AGPAT4: variants seen among roughly 807,000 people sequenced by gnomAD.
AGPAT4 encodes the protein 1-acyl-sn-glycerol-3-phosphate acyltransferase delta.
In AGPAT4, 15 loss-of-function variants were observed where a neutral mutation model predicts 48.0. The observed-to-expected ratio is 0.31, with a 90% CI of 0.21 to 0.48. The LOEUF is 0.48. Ranked by LOEUF, AGPAT4 falls within the 20% of genes least tolerant of loss-of-function variation. The probability of loss-of-function intolerance (pLI) is 0.99; values close to 1 mark genes in which losing one functional copy is unlikely to be tolerated. For missense variants in AGPAT4, 314 were observed against 482.5 expected (o/e 0.65, Z 3.27); for synonymous variants, 178 against 198.7 (o/e 0.90, Z 0.88).
chr6:161,230,201 A>T (rs1054256113), intron 2 of AGPAT4, among the ~76,000 whole-genome samples: 34 of 152,336 alleles, frequency 2.2e-4, no homozygotes, highest in South Asian at 8.3e-4. Flanking sequence ...ATCAAAAAAA[A>T]ATATAGTACT....
rs1464628784 is a variant in AGPAT4, at chr6:161,196,120, T to C, written c.179-29703A>G. On this transcript the variant is annotated intron_variant, in intron 2 of 8. Coordinates refer to ENST00000320285, the MANE Select transcript of AGPAT4 (RefSeq NM_020133.3). This position sits in a 1 kb window ranked among gnomAD's most constrained non-coding sequence, Gnocchi z 4.3. ...ATATAACCCTGACCTCTTTCTAGAA[T>C]GGTGTGGTTCGCCATCTTAAGAGCA... Among the ~76,000 whole-genome samples, 2 of 152,176 alleles carry C rather than the reference T, an allele frequency of 1.3e-5. No individual in the cohort carries two copies. The highest frequency in any genetic ancestry group is 2.9e-5 in the Non-Finnish European group (2 of 68,032).
At chr6:161,273,794 T>TGC (rs545028082) in intron 1 of AGPAT4, 144 bp downstream of exon 1, 1 of 72,274 alleles carries the variant, frequency 1.4e-5, no homozygotes, top group African/African-American at 4.8e-5. Context: ...CGCCTTGCAC[T>TGC]CCCCCCCCGC....
intron 1 of AGPAT4, among the ~76,000 whole-genome samples, chr6:161,263,661 A>C (rs960069838): frequency 6.6e-6 from 1 of 152,190 alleles, no homozygotes; most frequent in Non-Finnish European, 1.5e-5. Context: ...ACCTCCTCTC[A>C]AACTTTAACC....
chr6:161,171,829 G>C lies in AGPAT4; in HGVS notation c.179-5412C>G, dbSNP rs376707098. Among the ~76,000 whole-genome samples the C allele has an allele frequency of 3.3e-4, 50 of 152,208 alleles. No homozygotes were observed. In the South Asian group the frequency reaches 0.01, roughly 31 times the overall value. The stretch of plus-strand genomic sequence containing the variant: ...GCAGGAGAATGGCATGAACCCAGGA[G>C]GCTGCACTTGCAGTGAGCCAAGATC... On this transcript the variant is annotated intron_variant, in intron 2 of 8. Transcript: ENST00000320285. The surrounding 1 kb of genome is among the most constrained non-coding windows in gnomAD (Gnocchi z 4.4).
In AGPAT4 at chr6:161,246,670, C is replaced by A. The variant is rs1016923848; in HGVS notation, c.-89-14368G>T. ...GTGATCCACCGCACCCAGCCTAGCA[C>A]AGGGGATTCTTACAGAGCCCCTTGC... On this transcript the variant is annotated intron_variant, in intron 1 of 8. Transcript: ENST00000320285. The surrounding 1 kb of genome is among the most constrained non-coding windows in gnomAD (Gnocchi z 5.5). Among the ~76,000 whole-genome samples, 1 of 152,116 alleles carries A rather than the reference C, an allele frequency of 6.6e-6. No homozygotes were observed. The highest frequency in any genetic ancestry group is 1.9e-4 in the East Asian group (1 of 5,180).
At chr6:161,160,103 A>T (rs1472700871) in intron 3 of AGPAT4, 7 of 94,760 alleles carry the variant, frequency 7.4e-5, no homozygotes, top group African/African-American at 3.1e-4. Context: ...ACACCCAGCT[A>T]ATTTTTTTTT....
Position 161,154,164 on chromosome 6 carries a change from G to A in AGPAT4, c.495C>T (p.Tyr165=), listed in dbSNP as rs373347738. Residue 165 remains tyrosine (Y), a synonymous_variant, in exon 4 of 9, where the codon TAC becomes TAT. Coordinates refer to ENST00000320285, the MANE Select transcript of AGPAT4 (RefSeq NM_020133.3). This position sits in a 1 kb window ranked among gnomAD's most constrained non-coding sequence, Gnocchi z 7.8. ...GCCTACATACAAAATACTTCTCGGG[G>A]TAGTCCCGGAGGTGCTGCAAACTGG... ...VATSLQHLRD[Y]PEKYFFLIHC... is the part of the protein sequence containing the mutation. 9.3e-6 allele frequency: 15 copies of A among 1,614,052 alleles called. No individual in the cohort carries two copies. Among genetic ancestry groups the A allele is most frequent in the African/African-American group, 1.3e-5 (1 of 74,924 alleles).
rs563256009 is a variant in AGPAT4 at position 161,178,408 on chromosome 6, C to T, written c.179-11991G>A. The stretch of plus-strand genomic sequence containing the variant: ...TCTGTGCTAGCAATGAGCAAGGCTC[C>T]GTGGGCGTCGGACCCTCTGAGCCAG... On this transcript the variant is annotated intron_variant, in intron 2 of 8. Transcript: ENST00000320285. This position sits in a 1 kb window ranked among gnomAD's most constrained non-coding sequence, Gnocchi z 5.1. Among the ~76,000 whole-genome samples, 5 of 152,202 alleles carry T rather than the reference C, an allele frequency of 3.3e-5. No homozygotes were observed. The highest frequency in any genetic ancestry group is 4.8e-5 in the African/African-American group (2 of 41,448).
chr6:161,181,742 A>C (rs1353253881), intron 2 of AGPAT4, among the ~76,000 whole-genome samples: 1 of 152,100 alleles, frequency 6.6e-6, no homozygotes, highest in Non-Finnish European at 1.5e-5. Context: ...TCTCCCAAGC[A>C]TCTGCTCTTC....
rs1213713043 is a variant in AGPAT4 at position 161,134,997 on chromosome 6, G to C, written c.*1543C>G. On this transcript the variant is annotated 3_prime_UTR_variant, in exon 9 of 9. Coordinates refer to ENST00000320285, the MANE Select transcript of AGPAT4 (RefSeq NM_020133.3). ...TTCTGTGGATTCAAATAATTCATTT[G>C]TATCAACAAACAAACAATGCATTAT... 3.7e-5 allele frequency: 2 copies of C among 54,270 alleles called. No individual in the cohort carries two copies. Among genetic ancestry groups the C allele is most frequent in the Admixed American group, 5.3e-4 (2 of 3,760 alleles). The allele number at this position is 54,270 out of a possible 1,614,324, so 3.4% of individuals were successfully genotyped here. A position where few individuals can be genotyped will look rare whatever the true frequency, so the allele number is the denominator to read the frequency against.
intron 2 of AGPAT4, among the ~76,000 whole-genome samples, chr6:161,179,977 G>A (rs1447168844): frequency 6.6e-6 from 1 of 152,180 alleles, no homozygotes; most frequent in Non-Finnish European, 1.5e-5. Flanking sequence ...TAAAATCAGA[G>A]AAAGACAGGA....
chr6:161,150,580 C>G (rs529392938), intron 5 of AGPAT4, among the ~76,000 whole-genome samples: 124 of 152,344 alleles, frequency 8.1e-4, no homozygotes, highest in African/African-American at 2.8e-3. Context: ...CTTCTACCTG[C>G]TGCCTGACCA....
intron 1 of AGPAT4, among the ~76,000 whole-genome samples, chr6:161,273,628 G>A (rs1783497058): frequency 6.6e-6 from 1 of 152,028 alleles, no homozygotes; most frequent in South Asian, 2.1e-4. Flanking sequence ...CCCGGGAGGG[G>A]GCTGGGTGGG....
In AGPAT4 at chr6:161,149,374, ATCAAATG is replaced by A; in HGVS notation, c.665-92_665-86del. 1 of 1,184,250 alleles carries A rather than the reference ATCAAATG, an allele frequency of 8.4e-7. No homozygotes were observed. The allele number at this position is 1,184,250 out of a possible 1,614,324, so 73.4% of individuals were successfully genotyped here. On this transcript the variant is annotated intron_variant, in intron 5 of 8. Coordinates refer to ENST00000320285, the MANE Select transcript of AGPAT4 (RefSeq NM_020133.3). The surrounding 1 kb of genome is among the most constrained non-coding windows in gnomAD (Gnocchi z 6.5). ...TAGATACACACATTGGAAGACAATAATCAAATGGCTAACTGCTTATCTAGAAATGGTG... is the reference window on the plus strand; with the variant it reads ...TAGATACACACATTGGAAGACAATAAGCTAACTGCTTATCTAGAAATGGTG...
At chr6:161,181,503 C>A (rs865965997) in intron 2 of AGPAT4, among the ~76,000 whole-genome samples, 1,492 of 126,160 alleles carry the variant, frequency 0.012, 55 homozygotes, top group African/African-American at 0.042. Flanking sequence ...GTGGGGGTAG[C>A]AGGGGGCGGG....
intron 1 of AGPAT4, among the ~76,000 whole-genome samples, chr6:161,252,411 G>A (rs901534728): frequency 2.0e-5 from 3 of 152,084 alleles, no homozygotes; most frequent in Non-Finnish European, 4.4e-5. Context: ...CTCCTTCAGG[G>A]TCAAATATAT....
intron 2 of AGPAT4, among the ~76,000 whole-genome samples, chr6:161,188,367 T>G (rs1246615870): frequency 6.6e-6 from 1 of 152,208 alleles, no homozygotes; most frequent in Non-Finnish European, 1.5e-5. Flanking sequence ...TTGCACATTT[T>G]TCTATCAGAC....
chr6:161,192,908 G>A (rs1780965275), intron 2 of AGPAT4, among the ~76,000 whole-genome samples: 1 of 152,180 alleles, frequency 6.6e-6, no homozygotes, highest in Non-Finnish European at 1.5e-5. Context: ...AAGGTGGTCT[G>A]TCACTCTTTG....
In AGPAT4 at chr6:161,161,214, A is replaced by C. The variant is rs1031489073; in HGVS notation, c.348+5034T>G. 16 of 456,736 alleles carry C rather than the reference A, an allele frequency of 3.5e-5. No homozygotes were observed. The highest frequency in any genetic ancestry group is 2.8e-4 in the East Asian group (4 of 14,396). 28.3% of individuals were successfully genotyped at this position (456,736 alleles called of 1,614,324 possible). On this transcript the variant is annotated intron_variant, in intron 3 of 8. Coordinates refer to ENST00000320285, the MANE Select transcript of AGPAT4 (RefSeq NM_020133.3). The surrounding 1 kb of genome is among the most constrained non-coding windows in gnomAD (Gnocchi z 4.6). ...AGAGGATCCTGGTCAACAAAGAAGA[A>C]GACCCCGGTGTGTCCAACGTGGGAC...
Sources: allele counts gnomAD v4.1 joint callset (sites outside exome capture counted in the v4.1 genomes callset), GRCh38; gene constraint gnomAD v4.1.1; non-coding constraint Gnocchi (gnomAD v3.1); transcripts MANE v1.5; gene names NCBI Gene and HGNC (gene_info 2026-07-23, HGNC 2026-07-21).